Variants in MSI2 observed in about 807,000 individuals in gnomAD.
The protein encoded by MSI2 is musashi RNA binding protein 2, also known as RNA-binding protein Musashi homolog 2.
In MSI2, 17 loss-of-function variants were observed where a neutral mutation model predicts 45.6. The observed-to-expected ratio is 0.37, with a 90% CI of 0.26 to 0.56. The LOEUF (loss-of-function observed/expected upper bound fraction) is 0.56, where lower values mean the gene tolerates loss of function less well. MSI2 is among the 20% of genes least tolerant of loss of function. The probability of loss-of-function intolerance (pLI) is 0.77; values close to 1 mark genes in which losing one functional copy is unlikely to be tolerated. For synonymous variants in MSI2, 156 were observed against 158.2 expected, an observed-to-expected ratio of 0.99 and a Z score of 0.11; for missense variants, 293 against 444.2, an observed-to-expected ratio of 0.66 and a Z score of 3.06.
chr17:57,364,648 G>A (rs1420362230), intron 5 of MSI2, among the ~76,000 whole-genome samples: 1 of 151,994 alleles, frequency 6.6e-6, no homozygotes, highest in African/African-American at 2.4e-5. Context: ...CCCCTCTCCA[G>A]CTTGGACATC....
chr17:57,289,233 A>C (rs1014617461), intron 5 of MSI2, among the ~76,000 whole-genome samples: 3 of 152,108 alleles, frequency 2.0e-5, no homozygotes, highest in African/African-American at 7.2e-5. Flanking sequence ...GGTTAAGTGA[A>C]AGGGCAGGGA....
intron 8 of MSI2, among the ~76,000 whole-genome samples, chr17:57,615,418 C>T (rs189558200): frequency 9.9e-5 from 15 of 152,196 alleles, no homozygotes; most frequent in Non-Finnish European, 1.8e-4. Context: ...AACATGATCC[C>T]CCACGCCCAG....
At chr17:57,518,109 C>T (rs1010815037) in intron 6 of MSI2, among the ~76,000 whole-genome samples, 1 of 152,176 alleles carries the variant, frequency 6.6e-6, no homozygotes, top group Non-Finnish European at 1.5e-5. Flanking sequence ...TGGAAGATGT[C>T]TGAAGCCCTG....
At chr17:57,662,370 AATG>A (rs1288357392) in intron 11 of MSI2, among the ~76,000 whole-genome samples, 1 of 152,188 alleles carries the variant, frequency 6.6e-6, no homozygotes, top group Non-Finnish European at 1.5e-5. Context: ...TGAATACAAT[AATG>A]ATAATAGATG....
intron 11 of MSI2, among the ~76,000 whole-genome samples, chr17:57,661,283 A>G (rs1452573709): frequency 1.3e-5 from 2 of 152,164 alleles, no homozygotes; most frequent in East Asian, 1.9e-4. Context: ...ATAGATTCCT[A>G]CAAGGTCAGA....
intron 5 of MSI2, among the ~76,000 whole-genome samples, chr17:57,294,425 C>T (rs758808473): frequency 5.3e-5 from 8 of 152,056 alleles, no homozygotes; most frequent in African/African-American, 1.9e-4. Context: ...GTGAGTTTCA[C>T]GGGAGAAAAA....
intron 8 of MSI2, among the ~76,000 whole-genome samples, chr17:57,598,230 A>T (rs1905460180): frequency 6.6e-6 from 1 of 152,238 alleles, no homozygotes; most frequent in African/African-American, 2.4e-5. Context: ...TTGCAGCTGT[A>T]ACTTTAATAT....
chr17:57,321,120 G>C (rs1913301122), intron 5 of MSI2, among the ~76,000 whole-genome samples: 1 of 151,928 alleles, frequency 6.6e-6, no homozygotes, highest in Non-Finnish European at 1.5e-5. Flanking sequence ...GCCTGGGATG[G>C]TCTAGCTTCT....
chr17:57,305,082 GT>G lies in MSI2; in HGVS notation c.312+42891del, dbSNP rs145039501. ...TGAAGACGTGATTACAGGCAGGAGA[GT>G]GTTATTAGGAGGTAGACCAGATGCT... On this transcript the variant is annotated intron_variant, in intron 5 of 13. Coordinates refer to ENST00000284073, the MANE Select transcript of MSI2 (RefSeq NM_138962.4). Among the ~76,000 whole-genome samples, 1,210 of 152,330 alleles carry G rather than the reference GT, an allele frequency of 7.9e-3. 18 individuals are homozygous for G. Among genetic ancestry groups the G allele is most frequent in the African/African-American group, 0.028 (1,149 of 41,574 alleles).
chr17:57,410,210 T>A (rs2084169632), intron 6 of MSI2, among the ~76,000 whole-genome samples: 1 of 151,064 alleles, frequency 6.6e-6, no homozygotes, highest in Non-Finnish European at 1.5e-5. Flanking sequence ...TCAAGCGGAG[T>A]CTGGAGAAGT....
intron 7 of MSI2, among the ~76,000 whole-genome samples, chr17:57,562,734 G>A (rs534948339): frequency 1.8e-4 from 28 of 152,160 alleles, no homozygotes; most frequent in Non-Finnish European, 3.4e-4. Flanking sequence ...AGATCCTCAG[G>A]GACTGCACGA....
chr17:57,299,707 ATAT>A (rs1911275535), intron 5 of MSI2, among the ~76,000 whole-genome samples: 1 of 152,194 alleles, frequency 6.6e-6, no homozygotes. Flanking sequence ...ACCATTACAA[ATAT>A]TATTATAATA....
At chr17:57,502,600 G>GAGATAGATAGAT (rs1330824331) in intron 6 of MSI2, among the ~76,000 whole-genome samples, 8 of 33,996 alleles carry the variant, frequency 2.4e-4, no homozygotes, top group African/African-American at 1.0e-3. Context: ...AGATGACTCT[G>GAGATAGATAGAT]AGATATATAT....
intron 8 of MSI2, among the ~76,000 whole-genome samples, chr17:57,610,235 G>A (rs921348587): frequency 6.6e-5 from 10 of 152,178 alleles, no homozygotes; most frequent in South Asian, 4.1e-4. Flanking sequence ...GGAAGATCAC[G>A]AGGTCAGGAG....
chr17:57,469,276 T>G (rs907236856), intron 6 of MSI2, among the ~76,000 whole-genome samples: 2 of 152,244 alleles, frequency 1.3e-5, no homozygotes, highest in African/African-American at 2.4e-5. Flanking sequence ...TCTGTAAGCA[T>G]AAAGGATTTT....
At chr17:57,380,447 A>G (rs2083579959) in intron 5 of MSI2, among the ~76,000 whole-genome samples, 1 of 152,162 alleles carries the variant, frequency 6.6e-6, no homozygotes, top group Non-Finnish European at 1.5e-5. Context: ...CATTTTGGTT[A>G]GTAGCGGTGC....
At chr17:57,698,892 AGTGTGTGTGTGTGTGTGT>A in the MSI2 span, among the ~76,000 whole-genome samples, 6 of 118,698 alleles carry the variant, frequency 5.1e-5, no homozygotes, top group Non-Finnish European at 6.9e-5. Flanking sequence ...GATACAAGGA[AGTGTGTGTGTGTGTGTGT>A]GTGTGTGTGT....
chr17:57,277,350 A>G (rs1908965926), intron 5 of MSI2, among the ~76,000 whole-genome samples: 1 of 151,814 alleles, frequency 6.6e-6, no homozygotes, highest in Admixed American at 6.6e-5. Context: ...GAGCCACCGC[A>G]CCCGGGCTGG....
rs528907751 is a variant in MSI2, at chr17:57,524,583, A to G, written c.406-5093A>G. 5.9e-5 allele frequency among the ~76,000 whole-genome samples: 9 copies of G among 152,356 alleles called. 1 individual carries two copies. The South Asian group carries it at 1.5e-3, about 25-fold the overall frequency. On this transcript the variant is annotated intron_variant, in intron 6 of 13. Transcript: ENST00000284073. ...TGTGAATAAGAGTTTATCTGTTAGA[A>G]GGAAAGTTTATGTCATCCTAGTAGA...
Sources: allele counts gnomAD v4.1 joint callset (sites outside exome capture counted in the v4.1 genomes callset), GRCh38; gene constraint gnomAD v4.1.1; transcripts MANE v1.5; gene names NCBI Gene and HGNC (gene_info 2026-07-23, HGNC 2026-07-21).